Variants in BRMS1 observed in about 807,000 individuals in gnomAD.
BRMS1 encodes breast cancer metastasis-suppressor 1.
A neutral mutation model predicts 40.4 loss-of-function variants in BRMS1; 26 were observed. The observed-to-expected ratio is 0.64, with a 90% CI of 0.47 to 0.89. The LOEUF (loss-of-function observed/expected upper bound fraction) is 0.89, where lower values mean the gene tolerates loss of function less well. Ranked by LOEUF, BRMS1 falls within the 40% of genes least tolerant of loss-of-function variation. The pLI is 0.00. For missense variants in BRMS1, 289 were observed against 309.4 expected (o/e 0.93, Z 0.49); for synonymous variants, 103 against 116.0 (o/e 0.89, Z 0.72).
At chr11:66,339,757 TG>T in intron 7 of BRMS1, 1 of 201,228 alleles carries the variant, frequency 5.0e-6, no homozygotes, top group South Asian at 9.5e-5. Context: ...CCACCACGCC[TG>T]GCTAATTTTT....
Position 66,342,000 on chromosome 11 carries a change from G to T in BRMS1, c.139+96C>A. 7.3e-7 allele frequency: 1 copy of T among 1,362,018 alleles called. No individual in the cohort carries two copies. Among genetic ancestry groups the T allele is most frequent in the Non-Finnish European group, 1.0e-6 (1 of 995,658 alleles). 84.4% of individuals were successfully genotyped at this position (1,362,018 alleles called of 1,614,324 possible). ...TTGTGTGTAGGCGCTGTATGTGCAT[G>T]TGCGTGCATGCTTGTGTGTAGGGGC... On this transcript the variant is annotated intron_variant, in intron 2 of 9. Coordinates refer to ENST00000359957, the MANE Select transcript of BRMS1 (RefSeq NM_015399.4). This position sits in a 1 kb window ranked among gnomAD's most constrained non-coding sequence, Gnocchi z 4.9.
chr11:66,337,883 C>T lies in BRMS1; in HGVS notation c.740G>A (p.Ter247=), dbSNP rs1394227028. ...SPQKRKSDGP[*] is the part of the protein sequence containing the mutation. ...TCCCCCTGGCTGTGAACAGCAGGGTCAAGGTCCTGTGCATATGTGGGAAGA... is the reference window on the plus strand; with the variant it reads ...TCCCCCTGGCTGTGAACAGCAGGGTTAAGGTCCTGTGCATATGTGGGAAGA... The change falls in exon 10 of 10, where the codon TGA becomes TAA. Residue 247 remains the stop codon, a stop_retained_variant. Transcript: ENST00000359957. 3 of 1,613,298 alleles carry T rather than the reference C, an allele frequency of 1.9e-6. No homozygotes were observed. The highest frequency in any genetic ancestry group is 2.7e-5 in the African/African-American group (2 of 74,912).
chr11:66,341,353 C>T lies in BRMS1; in HGVS notation c.231-20G>A. ...AACAACCTGCGTGGTAAAAAGGCAGCCGTGCACCCATTTGCTCACCCATCG... is the reference window on the plus strand; with the variant it reads ...AACAACCTGCGTGGTAAAAAGGCAGTCGTGCACCCATTTGCTCACCCATCG... On this transcript the variant is annotated intron_variant, in intron 3 of 9. Coordinates refer to ENST00000359957, the MANE Select transcript of BRMS1 (RefSeq NM_015399.4). The surrounding 1 kb of genome is among the most constrained non-coding windows in gnomAD (Gnocchi z 4.9). 8 of 1,607,930 alleles carry T rather than the reference C, an allele frequency of 5.0e-6. No homozygotes were observed. The highest frequency in any genetic ancestry group is 6.8e-6 in the Non-Finnish European group (8 of 1,175,084).
At position 66,341,721 on chromosome 11, in the gene BRMS1, C is replaced by A; in HGVS notation, c.140-98G>T. 9.9e-7 allele frequency: 1 copy of A among 1,008,202 alleles called. No homozygotes were observed. The highest frequency in any genetic ancestry group is 1.6e-6 in the Non-Finnish European group (1 of 637,788). 62.5% of individuals were successfully genotyped at this position (1,008,202 alleles called of 1,614,324 possible). A position where few individuals can be genotyped will look rare whatever the true frequency, so the allele number is the denominator to read the frequency against. On this transcript the variant is annotated intron_variant, in intron 2 of 9. Transcript: ENST00000359957. The surrounding 1 kb of genome is among the most constrained non-coding windows in gnomAD (Gnocchi z 4.9). ...TGCATGTGTGTGTGTGCATGCATGC[C>A]TGTGTGTAGGGCCTGTGTGTGTGTG...
At position 66,337,391 on chromosome 11, in the gene BRMS1, G is replaced by A; in HGVS notation, c.*491C>T. On this transcript the variant is annotated 3_prime_UTR_variant, in exon 10 of 10. Coordinates refer to ENST00000359957, the MANE Select transcript of BRMS1 (RefSeq NM_015399.4). ...TTGGAATCTGAGAAGCAGACACCAA[G>A]AACTGCCCTGAGAACACCTGGGGGG... 2.3e-6 allele frequency: 1 copy of A among 437,936 alleles called. No individual in the cohort carries two copies. The highest frequency in any genetic ancestry group is 4.1e-6 in the Non-Finnish European group (1 of 242,058). The allele number at this position is 437,936 out of a possible 1,614,324, so 27.1% of individuals were successfully genotyped here.
Position 66,341,662 on chromosome 11 carries a change from A to C in BRMS1, c.140-39T>G. On this transcript the variant is annotated intron_variant, in intron 2 of 9. Transcript: ENST00000359957. The surrounding 1 kb of genome is among the most constrained non-coding windows in gnomAD (Gnocchi z 4.9). The stretch of plus-strand genomic sequence containing the variant: ...CCAGTAAGGGCTAGCTCTGGGGAGG[A>C]GTGGTGGGTACCCGCATGTGTGCAT... 1 of 1,568,852 alleles carries C rather than the reference A, an allele frequency of 6.4e-7. No homozygotes were observed. The highest frequency in any genetic ancestry group is 8.8e-7 in the Non-Finnish European group (1 of 1,139,578).
chr11:66,344,488 C>T (rs1489947732), intron 1 of BRMS1: 1 of 152,224 alleles, frequency 6.6e-6, no homozygotes, highest in Non-Finnish European at 1.5e-5. Context: ...TTAGTATATT[C>T]ACTTTGTAAG....
In BRMS1 at chr11:66,342,257, G is replaced by A. The variant is rs1037324520; in HGVS notation, c.-7-16C>T. On this transcript the variant is annotated splice_polypyrimidine_tract_variant and intron_variant, in intron 1 of 9. Transcript: ENST00000359957. ...CATCTGGACTCTGGGAGAAGGAATGGAGCTATCACTTATGGCTGCCCACAG... is the reference window on the plus strand; with the variant it reads ...CATCTGGACTCTGGGAGAAGGAATGAAGCTATCACTTATGGCTGCCCACAG... The A allele has an allele frequency of 1.2e-6, 2 of 1,610,628 alleles. No individual in the cohort carries two copies. The highest frequency in any genetic ancestry group is 1.7e-6 in the Non-Finnish European group (2 of 1,179,854).
rs1304273905 is a variant in BRMS1 at position 66,341,004 on chromosome 11, T to C, written c.401A>G (p.Tyr134Cys). 6.2e-7 allele frequency: 1 copy of C among 1,614,004 alleles called. No homozygotes were observed. Among genetic ancestry groups the C allele is most frequent in the Non-Finnish European group, 8.5e-7 (1 of 1,180,030 alleles). The stretch of plus-strand genomic sequence containing the variant: ...TTTGGCTCCCTGCAGCTCACATTCG[T>C]ACTTATTCCTGATCACATCCAGACA... ...GFCLDVIRNK[Y>C]ECELQGAKQH... is the part of the protein sequence containing the mutation. The change falls in exon 5 of 10, where the codon TAC (tyrosine) becomes TGC (cysteine). Residue 134 changes from tyrosine to cysteine, a missense_variant. Physicochemically the swap from Tyr to Cys is radical, Grantham distance 194. Coordinates refer to ENST00000359957, the MANE Select transcript of BRMS1 (RefSeq NM_015399.4). The surrounding 1 kb of genome is among the most constrained non-coding windows in gnomAD (Gnocchi z 4.9).
chr11:66,338,518 G>A (rs1277162891), intron 8 of BRMS1: 2 of 1,535,032 alleles, frequency 1.3e-6, no homozygotes, highest in Middle Eastern at 1.7e-4. Flanking sequence ...GAACGGGAAG[G>A]GGCTGACACA....
chr11:66,341,399 C>G lies in BRMS1; in HGVS notation c.231-66G>C. The G allele has an allele frequency of 6.2e-7, 1 of 1,604,320 alleles. No homozygotes were observed. The highest frequency in any genetic ancestry group is 1.1e-5 in the South Asian group (1 of 90,526). On this transcript the variant is annotated intron_variant, in intron 3 of 9. Coordinates refer to ENST00000359957, the MANE Select transcript of BRMS1 (RefSeq NM_015399.4). This position sits in a 1 kb window ranked among gnomAD's most constrained non-coding sequence, Gnocchi z 4.9. ...CATCGCTCTTGGGCAAACACATACC[C>G]AGCACCCATTCCACAGCAAGCCCGG...
Position 66,342,022 on chromosome 11 carries a change from G to A in BRMS1, c.139+74C>T. ...CATGTGCGTGCATGCTTGTGTGTAG[G>A]GGCTGTGTGTGTGCATGTGTGTGTG... On this transcript the variant is annotated intron_variant, in intron 2 of 9. Coordinates refer to ENST00000359957, the MANE Select transcript of BRMS1 (RefSeq NM_015399.4). 4.7e-6 allele frequency: 7 copies of A among 1,497,774 alleles called. No individual in the cohort carries two copies. In the South Asian group the frequency reaches 7.3e-5, roughly 16 times the overall value. 92.8% of individuals were successfully genotyped at this position (1,497,774 alleles called of 1,614,324 possible).
At chr11:66,339,449 C>T (rs911825233) in intron 7 of BRMS1, among the ~76,000 whole-genome samples, 1 of 152,210 alleles carries the variant, frequency 6.6e-6, no homozygotes, top group Non-Finnish European at 1.5e-5. Context: ...GAAAGTGAAG[C>T]CATAGGCACC....
intron 2 of BRMS1, 28 bp downstream of exon 2, chr11:66,342,068 G>GTGTGTA (rs1382852068): frequency 6.2e-7 from 1 of 1,606,272 alleles, no homozygotes; most frequent in South Asian, 1.1e-5. Flanking sequence ...GTGTGTGTGT[G>GTGTGTA]TGTGTGTCTG....
chr11:66,341,423 G>C lies in BRMS1; in HGVS notation c.231-90C>G, dbSNP rs2236679. On this transcript the variant is annotated intron_variant, in intron 3 of 9. Coordinates refer to ENST00000359957, the MANE Select transcript of BRMS1 (RefSeq NM_015399.4). This position sits in a 1 kb window ranked among gnomAD's most constrained non-coding sequence, Gnocchi z 4.9. ...CCAGCACCCATTCCACAGCAAGCCCGGTGTTAGGCGCGCACTTCCTGGGCA... is the reference window on the plus strand; with the variant it reads ...CCAGCACCCATTCCACAGCAAGCCCCGTGTTAGGCGCGCACTTCCTGGGCA... The C allele has an allele frequency of 0.31, 500,121 of 1,600,790 alleles. 81,103 individuals are homozygous for C. The highest frequency in any genetic ancestry group is 0.48 in the African/African-American group (36,178 of 74,686).
chr11:66,341,080 T>G lies in BRMS1; in HGVS notation c.359-34A>C. Reference sequence around the variant, plus strand: ...AAAGGGAGGAGGGTCCCTGCTTGGCTGGGGAGCCCGGTGCCCACATAGGAG... The same window carrying G: ...AAAGGGAGGAGGGTCCCTGCTTGGCGGGGGAGCCCGGTGCCCACATAGGAG... On this transcript the variant is annotated intron_variant, in intron 4 of 9. Coordinates refer to ENST00000359957, the MANE Select transcript of BRMS1 (RefSeq NM_015399.4). This position sits in a 1 kb window ranked among gnomAD's most constrained non-coding sequence, Gnocchi z 4.9. 1.2e-6 allele frequency: 2 copies of G among 1,612,718 alleles called. No homozygotes were observed. Among genetic ancestry groups the G allele is most frequent in the Non-Finnish European group, 1.7e-6 (2 of 1,179,480 alleles).
At position 66,341,903 on chromosome 11, in the gene BRMS1, CTGTGTGTGCGTGCT is replaced by C. The variant is rs1855090624; in HGVS notation, c.139+179_139+192del. On this transcript the variant is annotated intron_variant, in intron 2 of 9. Coordinates refer to ENST00000359957, the MANE Select transcript of BRMS1 (RefSeq NM_015399.4). This position sits in a 1 kb window ranked among gnomAD's most constrained non-coding sequence, Gnocchi z 4.9. ...GTGCATACGTGCTTGTGTGTAGGGG[CTGTGTGTGCGTGCT>C]TGTGTGTAGGGGCTGTGTGTGCGTG... The C allele has an allele frequency of 1.6e-5, 10 of 637,596 alleles. No homozygotes were observed. Among genetic ancestry groups the C allele is most frequent in the Admixed American group, 1.0e-4 (4 of 38,542 alleles). 39.5% of individuals were successfully genotyped at this position (637,596 alleles called of 1,614,324 possible). A position where few individuals can be genotyped will look rare whatever the true frequency, so the allele number is the denominator to read the frequency against.
At position 66,341,312 on chromosome 11, in the gene BRMS1, A is replaced by T; in HGVS notation, c.252T>A (p.Ser84Arg). 2 of 1,613,218 alleles carry T rather than the reference A, an allele frequency of 1.2e-6. No homozygotes were observed. Among genetic ancestry groups the T allele is most frequent in the Non-Finnish European group, 1.7e-6 (2 of 1,179,348 alleles). ...CTTCCTCCAGCCGCAACCGCAGCTGACTCAGTCGTTCCCTGAACAACCTGC... is the reference window on the plus strand; with the variant it reads ...CTTCCTCCAGCCGCAACCGCAGCTGTCTCAGTCGTTCCCTGAACAACCTGC... Reference protein sequence around the residue: ...LKEKLFRERLSQLRLRLEEVG... With the variant: ...LKEKLFRERLRQLRLRLEEVG... The change falls in exon 4 of 10, where the codon AGT becomes AGA. Residue 84 changes from serine (S) to arginine (R), a missense_variant. Transcript: ENST00000359957. This position sits in a 1 kb window ranked among gnomAD's most constrained non-coding sequence, Gnocchi z 4.9.
At chr11:66,340,580 G>A (rs1209772962) in intron 6 of BRMS1, among the ~76,000 whole-genome samples, 194 bp downstream of exon 6, 2 of 152,194 alleles carry the variant, frequency 1.3e-5, no homozygotes, top group Non-Finnish European at 2.9e-5. Context: ...AGAAGAGGCA[G>A]GGAGACCCAC....
Sources: gnomAD v4.1 joint callset for allele counts (sites outside exome capture counted in the v4.1 genomes callset) on GRCh38, gnomAD v4.1.1 for gene constraint, Gnocchi (gnomAD v3.1) non-coding constraint, MANE v1.5 for transcripts, NCBI Gene and HGNC (gene_info 2026-07-23, HGNC 2026-07-21) for gene names.